The following SLCO3A1 variants were observed in gnomAD, a reference collection of about 807,000 sequenced individuals.
The protein encoded by SLCO3A1 is PGE1 transporter.
A neutral mutation model predicts 63.1 loss-of-function variants in SLCO3A1; 27 were observed. That is an observed-to-expected ratio of 0.43 (90% confidence interval 0.32 to 0.59). The LOEUF is 0.59. Ranked by LOEUF, SLCO3A1 falls within the 20% of genes least tolerant of loss-of-function variation. SLCO3A1 has a pLI of 0.09. For synonymous variants in SLCO3A1, 473 were observed against 409.9 expected (o/e 1.15, Z -1.86); for missense variants, 773 against 945.8 (o/e 0.82, Z 2.40).
intron 1 of SLCO3A1, among the ~76,000 whole-genome samples, chr15:91,910,686 A>G (rs142231119): frequency 1.3e-5 from 2 of 152,304 alleles, no homozygotes; most frequent in African/African-American, 4.8e-5. Flanking sequence ...CCAGACTTAC[A>G]CTGATAGGAC....
At chr15:91,981,570 C>T (rs1459328446) in intron 2 of SLCO3A1, among the ~76,000 whole-genome samples, 1 of 152,138 alleles carries the variant, frequency 6.6e-6, no homozygotes, top group Non-Finnish European at 1.5e-5. Flanking sequence ...GACCAGCTCA[C>T]ATTATGTATG....
intron 2 of SLCO3A1, among the ~76,000 whole-genome samples, chr15:91,957,724 G>C (rs373880159): frequency 7.2e-5 from 11 of 152,196 alleles, no homozygotes; most frequent in African/African-American, 2.6e-4. Context: ...CCTGTACTCT[G>C]TCCCCCATAC....
chr15:91,916,254 G>GACGTCTGCGCAGCCA lies in SLCO3A1; in HGVS notation c.446_460dup (p.Val149_Asn153dup), dbSNP rs774337854. On this transcript the variant is annotated inframe_insertion, in exon 2 of 10. Transcript: ENST00000318445. The surrounding 1 kb of genome is among the most constrained non-coding windows in gnomAD (Gnocchi z 6.2). ...GATCCGCTGGGGCGCCGAGGGCCGC[G>GACGTCTGCGCAGCCA]ACGTCTGCGCAGCCAACGGCTCGGG... is the stretch of plus-strand genomic sequence containing the variant. The GACGTCTGCGCAGCCA allele has an allele frequency of 1.9e-6, 3 of 1,567,044 alleles. No individual in the cohort carries two copies. The highest frequency in any genetic ancestry group is 2.6e-6 in the Non-Finnish European group (3 of 1,156,458).
intron 2 of SLCO3A1, among the ~76,000 whole-genome samples, chr15:92,089,553 A>G (rs2047446857): frequency 6.6e-6 from 1 of 152,084 alleles, no homozygotes; most frequent in Non-Finnish European, 1.5e-5. Flanking sequence ...ACTGTTGCTG[A>G]CATAGTCCTA....
Position 91,854,820 on chromosome 15 carries a change from A to C in SLCO3A1, c.180+732A>C, listed in dbSNP as rs537578201. ...ACAGAAGGTTGCACCATTTTCCACA[A>C]TGAATATGTATTTTATTTGCCTCCA... is the stretch of plus-strand genomic sequence containing the variant. On this transcript the variant is annotated intron_variant, in intron 1 of 9. Transcript: ENST00000318445. The surrounding 1 kb of genome is among the most constrained non-coding windows in gnomAD (Gnocchi z 6.4). Among the ~76,000 whole-genome samples, 3 of 152,168 alleles carry C rather than the reference A, an allele frequency of 2.0e-5. No homozygotes were observed. The highest frequency in any genetic ancestry group is 4.4e-5 in the Non-Finnish European group (3 of 68,034).
At chr15:92,035,099 G>A (rs1213828058) in intron 2 of SLCO3A1, among the ~76,000 whole-genome samples, 1 of 151,768 alleles carries the variant, frequency 6.6e-6, no homozygotes, top group Non-Finnish European at 1.5e-5. Context: ...TTTGAACTGT[G>A]GGTAGTTACT....
At chr15:91,982,693 A>C (rs1388384618) in intron 2 of SLCO3A1, among the ~76,000 whole-genome samples, 1 of 152,256 alleles carries the variant, frequency 6.6e-6, no homozygotes, top group Non-Finnish European at 1.5e-5. Flanking sequence ...TCCTGGAATC[A>C]CAAGTGATTT....
chr15:92,113,182 G>A (rs1158819702), intron 4 of SLCO3A1, among the ~76,000 whole-genome samples: 2 of 152,150 alleles, frequency 1.3e-5, no homozygotes, highest in African/African-American at 2.4e-5. Flanking sequence ...CGGAGCCTGC[G>A]TTTTTCTGAC....
At chr15:92,081,294 T>C (rs537667522) in intron 2 of SLCO3A1, among the ~76,000 whole-genome samples, 1 of 152,080 alleles carries the variant, frequency 6.6e-6, no homozygotes, top group South Asian at 2.1e-4. Flanking sequence ...CAAATGCATT[T>C]TGGGTACCAG....
intron 1 of SLCO3A1, among the ~76,000 whole-genome samples, chr15:91,890,824 G>A (rs1427470095): frequency 6.6e-6 from 1 of 152,236 alleles, no homozygotes; most frequent in Non-Finnish European, 1.5e-5. Context: ...CTGCTGGTGT[G>A]ACTCACTGAT....
In SLCO3A1 at chr15:92,104,532, G is replaced by A; in HGVS notation, c.999G>A (p.Gln333=). The change falls in exon 4 of 10, where the codon CAG becomes CAA. Residue 333 remains glutamine, a synonymous_variant. Coordinates refer to ENST00000318445, the MANE Select transcript of SLCO3A1 (RefSeq NM_013272.4). ...CAGACAGCAGTGCCTCCTGTTTCCA[G>A]CAGCTGAGAGGTAAAGGTGGCCTCA... ...LEPDSSASCF[Q]QLRVIPKVTK... is the part of the protein sequence containing the mutation. 1 of 1,613,188 alleles carries A rather than the reference G, an allele frequency of 6.2e-7. No individual in the cohort carries two copies. The highest frequency in any genetic ancestry group is 8.5e-7 in the Non-Finnish European group (1 of 1,179,950).
intron 2 of SLCO3A1, among the ~76,000 whole-genome samples, chr15:92,087,729 G>C (rs1297855270): frequency 1.3e-5 from 2 of 151,866 alleles, no homozygotes; most frequent in Admixed American, 6.6e-5. Flanking sequence ...ATGTTGGTCA[G>C]GCTGGCCTTG....
intron 1 of SLCO3A1, among the ~76,000 whole-genome samples, chr15:91,913,335 A>C (rs1287251290): frequency 6.6e-6 from 1 of 152,180 alleles, no homozygotes; most frequent in Non-Finnish European, 1.5e-5. Flanking sequence ...ACCCCCAATA[A>C]TGGGTGTCAT....
At chr15:91,999,217 A>T (rs1178793852) in intron 2 of SLCO3A1, among the ~76,000 whole-genome samples, 1 of 152,210 alleles carries the variant, frequency 6.6e-6, no homozygotes, top group Non-Finnish European at 1.5e-5. Flanking sequence ...TTCATAACCC[A>T]AACCTCAGCA....
At chr15:92,161,343 A>G (rs1401427978) in intron 9 of SLCO3A1, among the ~76,000 whole-genome samples, 1 of 152,214 alleles carries the variant, frequency 6.6e-6, no homozygotes, top group Non-Finnish European at 1.5e-5. Flanking sequence ...CTCTGATTTC[A>G]GTGGTCTGGG....
intron 2 of SLCO3A1, among the ~76,000 whole-genome samples, chr15:92,088,914 A>T (rs1301655685): frequency 6.6e-6 from 1 of 152,202 alleles, no homozygotes; most frequent in East Asian, 1.9e-4. Context: ...GCCTTAAGGG[A>T]TTGGGATGTG....
intron 2 of SLCO3A1, among the ~76,000 whole-genome samples, chr15:92,015,678 T>C (rs1214697225): frequency 6.6e-6 from 1 of 152,094 alleles, no homozygotes; most frequent in Non-Finnish European, 1.5e-5. Context: ...AGTTTACACA[T>C]GGCAGTGAGC....
chr15:92,060,412 T>C (rs867547957), intron 2 of SLCO3A1, among the ~76,000 whole-genome samples: 7 of 151,854 alleles, frequency 4.6e-5, no homozygotes, highest in Middle Eastern at 3.2e-3. Flanking sequence ...ATACAAAAAT[T>C]AGCTGGGCGC....
chr15:91,921,334 C>G (rs1898836748), intron 2 of SLCO3A1, among the ~76,000 whole-genome samples: 1 of 152,170 alleles, frequency 6.6e-6, no homozygotes, highest in Non-Finnish European at 1.5e-5. Context: ...TTTAAAGGAT[C>G]TATCTCCAAA....
Sources: allele counts gnomAD v4.1 joint callset (sites outside exome capture counted in the v4.1 genomes callset), GRCh38; gene constraint gnomAD v4.1.1; non-coding constraint Gnocchi (gnomAD v3.1); transcripts MANE v1.5; gene names NCBI Gene and HGNC (gene_info 2026-07-23, HGNC 2026-07-21).